Variants in SYCP2 observed in about 807,000 individuals in gnomAD.
The protein encoded by SYCP2 is synaptonemal complex protein 2.
Under a neutral mutation model 211.3 loss-of-function variants are expected in SYCP2, and 55 were observed. That is an observed-to-expected ratio of 0.26 (90% CI 0.21 to 0.33). The LOEUF (loss-of-function observed/expected upper bound fraction) is 0.33, where lower values mean the gene tolerates loss of function less well. SYCP2 is among the 10% of genes least tolerant of loss of function. SYCP2 has a pLI of 1.00. For synonymous variants in SYCP2, 570 were observed against 555.2 expected (o/e 1.03, Z -0.37); for missense variants, 1,731 against 1,752.0 (o/e 0.99, Z 0.21).
chr20:59,921,014 C>T (rs2060531688), intron 4 of SYCP2, among the ~76,000 whole-genome samples: 1 of 151,470 alleles, frequency 6.6e-6, no homozygotes, highest in African/African-American at 2.4e-5. Flanking sequence ...AATCTATGAA[C>T]TTGTTTAAAC....
At chr20:59,875,733 G>C (rs907454438) in intron 33 of SYCP2, among the ~76,000 whole-genome samples, 4 of 152,058 alleles carry the variant, frequency 2.6e-5, no homozygotes, top group Non-Finnish European at 5.9e-5. Context: ...ATTATATCCA[G>C]TTTAGGAAAA....
Position 59,900,297 on chromosome 20 carries a change from ATG to A in SYCP2, c.1258-15_1258-14del. 6.4e-7 allele frequency: 1 copy of A among 1,572,652 alleles called. No individual in the cohort carries two copies. Among genetic ancestry groups the A allele is most frequent in the African/African-American group, 1.4e-5 (1 of 73,012 alleles). On this transcript the variant is annotated splice_polypyrimidine_tract_variant and intron_variant, in intron 17 of 44. Transcript: ENST00000357552. ...CTGGCACTAGAATCTGTTGGAGAATATGAAAAAAAAAGTATTTAAAACTGCAA... is the reference window on the plus strand; with the variant it reads ...CTGGCACTAGAATCTGTTGGAGAATAAAAAAAAAAGTATTTAAAACTGCAA...
chr20:59,882,208 T>TA, intron 26 of SYCP2, 43 bp from the exon 27 acceptor site: 1 of 1,436,942 alleles, frequency 7.0e-7, no homozygotes, highest in Non-Finnish European at 9.7e-7. Context: ...GGCTAACAGG[T>TA]ATATGAAAAA....
At position 59,919,606 on chromosome 20, in the gene SYCP2, A is replaced by T; in HGVS notation, c.298-9T>A. The T allele has an allele frequency of 6.5e-7, 1 of 1,541,302 alleles. No individual in the cohort carries two copies. On this transcript the variant is annotated splice_polypyrimidine_tract_variant and intron_variant, in intron 5 of 44. Coordinates refer to ENST00000357552, the MANE Select transcript of SYCP2 (RefSeq NM_014258.4). ...TCAAACCAGGCAACCATGTAAAAAA[A>T]GGAATGAACTTATTAGAGTTCCATT... is the stretch of plus-strand genomic sequence containing the variant.
At chr20:59,926,450 T>C (rs974376281) in intron 2 of SYCP2, among the ~76,000 whole-genome samples, 4 of 152,094 alleles carry the variant, frequency 2.6e-5, no homozygotes, top group South Asian at 4.1e-4. Flanking sequence ...TATCACATGG[T>C]ATTCTTCCTT....
At position 59,863,589 on chromosome 20, in the gene SYCP2, A is replaced by G. The variant is rs150611404; in HGVS notation, c.*722T>C. 2 of 152,152 alleles carry G rather than the reference A, an allele frequency of 1.3e-5. No individual in the cohort carries two copies. Among genetic ancestry groups the G allele is most frequent in the East Asian group, 1.9e-4 (1 of 5,182 alleles). The allele number at this position is 152,152 out of a possible 1,614,324, so 9.4% of individuals were successfully genotyped here. ...ATAATGATTTATATTTATTCAAGTG[A>G]CATAAGCATTTATTTCAACTTCATT... On this transcript the variant is annotated 3_prime_UTR_variant, in exon 45 of 45. Transcript: ENST00000357552.
rs551655292 is a variant in SYCP2, at chr20:59,923,911, CAT to C, written c.-46-1454_-46-1453del. 3.6e-3 allele frequency among the ~76,000 whole-genome samples: 546 copies of C among 151,914 alleles called. 1 individual carries two copies. The highest frequency in any genetic ancestry group is 4.1e-3 in the Non-Finnish European group (281 of 67,830). On this transcript the variant is annotated intron_variant, in intron 2 of 44. Transcript: ENST00000357552. ...AAGTAAGGTGATAGATTAAAAGTTA[CAT>C]ATCAATAATTACATTGAAAGTAAAA... is the stretch of plus-strand genomic sequence containing the variant.
intron 15 of SYCP2, among the ~76,000 whole-genome samples, chr20:59,903,812 A>G (rs566511349): frequency 1.8e-4 from 28 of 152,306 alleles, no homozygotes; most frequent in Non-Finnish European, 1.5e-5. Context: ...AACTATGGAC[A>G]TGGAAGACTG....
chr20:59,877,018 G>A (rs528464264), intron 33 of SYCP2, among the ~76,000 whole-genome samples: 6 of 152,250 alleles, frequency 3.9e-5, no homozygotes, highest in African/African-American at 1.4e-4. Context: ...TGACAGGTGG[G>A]CCAGTGTGTG....
intron 4 of SYCP2, 100 bp from the exon 5 acceptor site, chr20:59,920,587 TC>T: frequency 1.0e-6 from 1 of 972,224 alleles, no homozygotes; most frequent in South Asian, 1.7e-5. Context: ...TCTTCACAAA[TC>T]CTGAAAGATG....
intron 20 of SYCP2, among the ~76,000 whole-genome samples, chr20:59,894,290 A>G (rs2059965446): frequency 6.6e-6 from 1 of 152,006 alleles, no homozygotes; most frequent in African/African-American, 2.4e-5. Flanking sequence ...GGTTGTCACA[A>G]TGACAGAGGG....
chr20:59,892,771 T>A, intron 22 of SYCP2, 70 bp from the exon 23 acceptor site: 1 of 1,446,608 alleles, frequency 6.9e-7, no homozygotes. Context: ...TGATTTTTAA[T>A]GTAGTCAACG....
At chr20:59,912,037 A>G (rs1600950234) in intron 13 of SYCP2, 192 bp from the exon 14 acceptor site, 2 of 426,464 alleles carry the variant, frequency 4.7e-6, no homozygotes, top group African/African-American at 4.1e-5. Flanking sequence ...TTTATAAAAA[A>G]TCAACTAGCT....
intron 2 of SYCP2, among the ~76,000 whole-genome samples, chr20:59,930,849 T>C (rs1248115721): frequency 6.6e-6 from 1 of 151,894 alleles, no homozygotes; most frequent in African/African-American, 2.4e-5. Context: ...TTTTTACACC[T>C]ATTTTATGTT....
chr20:59,920,396 C>T lies in SYCP2; in HGVS notation c.260G>A (p.Gly87Glu), dbSNP rs1428424173. The part of the protein sequence containing the change: ...GKNISVLGQA[G>E]LLTMIKQGLI... ...TCCTTGTTTTATCATCGTTAGAAGT[C>T]CAGCTTGCCCCAATACACTGATATT... The change falls in exon 5 of 45, where the codon GGA becomes GAA. Residue 87 changes from glycine to glutamate, a missense_variant. This residue lies in a region of SYCP2 where 335 missense variants were observed against 378.8 expected (regional missense o/e 0.88). Coordinates refer to ENST00000357552, the MANE Select transcript of SYCP2 (RefSeq NM_014258.4). 6.2e-7 allele frequency: 1 copy of T among 1,609,590 alleles called. No homozygotes were observed. Among genetic ancestry groups the T allele is most frequent in the African/African-American group, 1.3e-5 (1 of 74,836 alleles).
In SYCP2 at chr20:59,868,559, T is replaced by A. The variant is rs768529854; in HGVS notation, c.3842A>T (p.Gln1281Leu). The A allele has an allele frequency of 3.1e-6, 5 of 1,600,816 alleles. No homozygotes were observed. The East Asian group carries it at 9.0e-5, about 29-fold the overall frequency. Reference sequence around the variant, plus strand: ...ATATATTCTTTTGCGACTAAGATGTTGGGTGGGGCCTTAGGAACAGTTAAA... The same window carrying A: ...ATATATTCTTTTGCGACTAAGATGTAGGGTGGGGCCTTAGGAACAGTTAAA... ...CDATHVSGPT[Q>L]HLSRKRIYIE... Residue 1281 changes from glutamine (Q) to leucine (L), a missense_variant, in exon 38 of 45, where the codon CAA becomes CTA. By Grantham distance (113) the Gln-to-Leu change is moderately radical. Coordinates refer to ENST00000357552, the MANE Select transcript of SYCP2 (RefSeq NM_014258.4).
intron 14 of SYCP2, among the ~76,000 whole-genome samples, chr20:59,908,233 A>G (rs1432205774): frequency 6.6e-6 from 1 of 152,180 alleles, no homozygotes; most frequent in Non-Finnish European, 1.5e-5. Flanking sequence ...TGGGCAACAG[A>G]GGGAGACTCC....
Position 59,865,419 on chromosome 20 carries a change from T to G in SYCP2, c.4484A>C (p.Lys1495Thr). 6.2e-7 allele frequency: 1 copy of G among 1,610,178 alleles called. No homozygotes were observed. The highest frequency in any genetic ancestry group is 1.1e-5 in the South Asian group (1 of 90,410). ...CTTAAGAAGCCTGTCTTGCAGCACT[T>G]TCATATCTTCTTTCATCAAACACAT... is the stretch of plus-strand genomic sequence containing the variant. ...SEMCLMKEDM[K>T]VLQDRLLKDM... is the part of the protein sequence containing the mutation. Residue 1495 changes from lysine to threonine, a missense_variant, in exon 44 of 45, where the codon AAA (lysine) becomes ACA (threonine). By Grantham distance (78) the Lys-to-Thr change is moderately conservative. Around this residue, in one of 3 missense-constraint regions of SYCP2, gnomAD observed 1,387 missense variants for 1,351.3 expected, o/e 1.03. Coordinates refer to ENST00000357552, the MANE Select transcript of SYCP2 (RefSeq NM_014258.4).
At chr20:59,869,030 A>G in intron 36 of SYCP2, 105 bp from the exon 37 acceptor site, 1 of 718,426 alleles carries the variant, frequency 1.4e-6, no homozygotes. Flanking sequence ...AATGCTGTCA[A>G]TTCTTTCTCA....
Sources: gnomAD v4.1 joint callset for allele counts (sites outside exome capture counted in the v4.1 genomes callset) on GRCh38, gnomAD v4.1.1 for gene constraint, gnomAD v4.1.1 regional missense constraint, MANE v1.5 for transcripts, NCBI Gene and HGNC (gene_info 2026-07-23, HGNC 2026-07-21) for gene names.